Variants in GPHN observed in about 807,000 individuals in gnomAD.
GPHN encodes the protein gephyrin.
Under a neutral mutation model 95.5 loss-of-function variants are expected in GPHN, and 17 were observed. The ratio of observed to expected loss-of-function variants is 0.18; its 90% CI spans 0.12 to 0.27. The LOEUF is 0.27. Among genes scored for constraint, GPHN ranks in the 10% least tolerant of loss-of-function variants. The pLI is 1.00. For missense variants in GPHN, 660 were observed against 978.1 expected (o/e 0.67, Z 4.34); for synonymous variants, 320 against 322.5 (o/e 0.99, Z 0.08).
the GPHN span, chr14:67,651,370 C>T: frequency 6.2e-7 from 1 of 1,613,468 alleles, no homozygotes; most frequent in Non-Finnish European, 8.5e-7. Context: ...TCCACAAACC[C>T]TTCCCTATAG....
chr14:67,680,843 T>C, the GPHN span, among the ~76,000 whole-genome samples: 2 of 152,210 alleles, frequency 1.3e-5, no homozygotes, highest in Non-Finnish European at 2.9e-5. Context: ...AGAATTAGTA[T>C]AGGTAAAAGA....
intron 5 of GPHN, among the ~76,000 whole-genome samples, chr14:66,892,644 T>A (rs2064577114): frequency 6.6e-6 from 1 of 152,170 alleles, no homozygotes; most frequent in Non-Finnish European, 1.5e-5. Flanking sequence ...AACATTGTGC[T>A]AAATGAAATA....
At chr14:66,853,854 A>AT (rs2062693472) in intron 4 of GPHN, among the ~76,000 whole-genome samples, 1 of 152,172 alleles carries the variant, frequency 6.6e-6, no homozygotes, top group Non-Finnish European at 1.5e-5. Context: ...TACCTCCATA[A>AT]TTTGAGTTTT....
At chr14:66,768,561 A>G (rs1169907848) in intron 2 of GPHN, among the ~76,000 whole-genome samples, 1 of 152,028 alleles carries the variant, frequency 6.6e-6, no homozygotes, top group East Asian at 1.9e-4. Flanking sequence ...AAAAGGATCA[A>G]TCCATTAGGC....
At chr14:67,535,887 G>A in the GPHN span, among the ~76,000 whole-genome samples, 3 of 152,192 alleles carry the variant, frequency 2.0e-5, no homozygotes, top group East Asian at 5.8e-4. Flanking sequence ...TTAAATGACG[G>A]TTTCATATGG....
At chr14:67,556,849 G>A in the GPHN span, among the ~76,000 whole-genome samples, 28 of 152,330 alleles carry the variant, frequency 1.8e-4, no homozygotes, top group Non-Finnish European at 3.1e-4. Flanking sequence ...GAAGGGTTGA[G>A]AAATATGGGT....
At chr14:67,578,609 C>T in the GPHN span, 1 of 1,609,574 alleles carries the variant, frequency 6.2e-7, no homozygotes, top group South Asian at 1.1e-5. The surrounding 1 kb of genome is among the most constrained non-coding windows in gnomAD (Gnocchi z 5.0). Flanking sequence ...CAAGCAGCAG[C>T]TCCAACGCCA....
intron 8 of GPHN, among the ~76,000 whole-genome samples, chr14:66,940,686 G>A (rs540796780): frequency 2.0e-5 from 3 of 152,192 alleles, no homozygotes; most frequent in Non-Finnish European, 4.4e-5. Context: ...CCTGCATTGT[G>A]CCTTTTAACT....
chr14:67,269,850 A>C, the GPHN span: 1 of 152,562 alleles, frequency 6.6e-6, no homozygotes, highest in Non-Finnish European at 1.5e-5. Context: ...CTATGGAAAC[A>C]AATAGTTTAA....
chr14:67,469,627 G>A, the GPHN span, among the ~76,000 whole-genome samples: 1 of 151,476 alleles, frequency 6.6e-6, no homozygotes, highest in South Asian at 2.1e-4. Context: ...TTCCTGGAAG[G>A]AGGAAAGTGG....
the GPHN span, among the ~76,000 whole-genome samples, chr14:67,708,299 C>T: frequency 1.3e-5 from 2 of 152,146 alleles, no homozygotes; most frequent in Non-Finnish European, 2.9e-5. Context: ...TTAGTTTATG[C>T]AGTTAATCCT....
chr14:67,000,471 A>C (rs945658841), intron 9 of GPHN, among the ~76,000 whole-genome samples: 3 of 151,758 alleles, frequency 2.0e-5, no homozygotes, highest in Admixed American at 2.0e-4. Context: ...ATGTTCTACT[A>C]TATAAAATCT....
chr14:67,339,055 G>A, the GPHN span, among the ~76,000 whole-genome samples: 2 of 146,618 alleles, frequency 1.4e-5, no homozygotes, highest in Non-Finnish European at 3.0e-5. Flanking sequence ...GTGCAGTGGC[G>A]CACGCAATCT....
chr14:67,473,909 C>T, the GPHN span: 1 of 1,604,404 alleles, frequency 6.2e-7, no homozygotes, highest in Non-Finnish European at 8.5e-7. This position sits in a 1 kb window ranked among gnomAD's most constrained non-coding sequence, Gnocchi z 6.5. Flanking sequence ...CCGTCAGGGG[C>T]TCGGCAGACG....
In GPHN at chr14:67,049,779, G is replaced by A. The variant is rs183292886; in HGVS notation, c.1007-8870G>A. Among the ~76,000 whole-genome samples the A allele has an allele frequency of 9.0e-4, 137 of 152,296 alleles. 1 individual carries two copies. The highest frequency in any genetic ancestry group is 3.2e-3 in the African/African-American group (133 of 41,560). ...GCCCACCTCAGCCTCCCAAAGTGCTGGGATTACAGGCGTGAGCCACCGCGC... is the reference window on the plus strand; with the variant it reads ...GCCCACCTCAGCCTCCCAAAGTGCTAGGATTACAGGCGTGAGCCACCGCGC... On this transcript the variant is annotated intron_variant, in intron 10 of 22. Transcript: ENST00000478722.
At chr14:67,328,620 T>G in the GPHN span, among the ~76,000 whole-genome samples, 579 of 152,332 alleles carry the variant, frequency 3.8e-3, 8 homozygotes, top group Admixed American at 0.019. Flanking sequence ...GGTCTAACAT[T>G]TAAGTCTTTA....
the GPHN span, among the ~76,000 whole-genome samples, chr14:67,601,552 T>C: frequency 6.6e-5 from 10 of 152,142 alleles, no homozygotes; most frequent in Admixed American, 6.5e-4. Flanking sequence ...AATAGTGGCC[T>C]ATGAGTTCCA....
the GPHN span, among the ~76,000 whole-genome samples, chr14:67,293,703 C>T: frequency 2.0e-5 from 3 of 152,112 alleles, no homozygotes; most frequent in Non-Finnish European, 4.4e-5. Flanking sequence ...AAGGAAAAGA[C>T]GAGTACCAAT....
chr14:67,377,511 C>A, the GPHN span, among the ~76,000 whole-genome samples: 1 of 152,196 alleles, frequency 6.6e-6, no homozygotes, highest in Non-Finnish European at 1.5e-5. Flanking sequence ...AACCATTGCA[C>A]AAGAACTACT....
Sources: gnomAD v4.1 joint callset for allele counts (sites outside exome capture counted in the v4.1 genomes callset) on GRCh38, gnomAD v4.1.1 for gene constraint, Gnocchi (gnomAD v3.1) non-coding constraint, MANE v1.5 for transcripts, NCBI Gene and HGNC (gene_info 2026-07-23, HGNC 2026-07-21) for gene names.